MEP1B: variants seen among roughly 807,000 people sequenced by gnomAD.
MEP1B encodes the protein meprin A subunit beta, also known as N-benzoyl-L-tyrosyl-P-amino-benzoic acid hydrolase subunit beta.
In MEP1B, 80 loss-of-function variants were observed where a neutral mutation model predicts 84.6. The ratio of observed to expected loss-of-function variants is 0.95; its 90% CI spans 0.79 to 1.14. The LOEUF (loss-of-function observed/expected upper bound fraction) is 1.14. Among genes scored for constraint, MEP1B ranks in the 50% most tolerant of loss-of-function variants. MEP1B has a pLI of 0.00. For synonymous variants in MEP1B, 273 were observed against 288.1 expected (o/e 0.95, Z 0.53); for missense variants, 766 against 855.1 (o/e 0.90, Z 1.30).
rs1344638135 is a variant in MEP1B at position 32,196,866 on chromosome 18, T to C, written c.250+1381T>C. On this transcript the variant is annotated intron_variant, in intron 5 of 14. Transcript: ENST00000269202. This position sits in a 1 kb window ranked among gnomAD's most constrained non-coding sequence, Gnocchi z 4.4. ...GGCCTCTGCGTACTTGCCCATGATG[T>C]AGTGGAGGCGGGCAAGGAGGCGCAG... is the stretch of plus-strand genomic sequence containing the variant. 2 of 505,618 alleles carry C rather than the reference T, an allele frequency of 4.0e-6. No individual in the cohort carries two copies. The highest frequency in any genetic ancestry group is 3.7e-6 in the Non-Finnish European group (1 of 271,206). The allele number at this position is 505,618 out of a possible 1,614,324, so 31.3% of individuals were successfully genotyped here.
At chr18:32,203,282 A>G (rs1443860377) in intron 6 of MEP1B, 8 of 323,286 alleles carry the variant, frequency 2.5e-5, no homozygotes, top group African/African-American at 1.7e-4. Flanking sequence ...TTTGTAATTT[A>G]CATACTCTTT....
Position 32,196,697 on chromosome 18 carries a change from G to T in MEP1B, c.250+1212G>T. 1 of 641,226 alleles carries T rather than the reference G, an allele frequency of 1.6e-6. No individual in the cohort carries two copies. The highest frequency in any genetic ancestry group is 2.3e-5 in the Admixed American group (1 of 44,060). 39.7% of individuals were successfully genotyped at this position (641,226 alleles called of 1,614,324 possible). ...AGCACCAGCGCATGAGGTAGTGGGC[G>T]CCCTGCAGCAGGCTGAGGGCCAGGG... On this transcript the variant is annotated intron_variant, in intron 5 of 14. Transcript: ENST00000269202. The surrounding 1 kb of genome is among the most constrained non-coding windows in gnomAD (Gnocchi z 4.4).
chr18:32,194,045 A>G (rs1451979353), intron 4 of MEP1B, among the ~76,000 whole-genome samples: 1 of 150,924 alleles, frequency 6.6e-6, no homozygotes, highest in East Asian at 2.0e-4. Context: ...GTTCCTCCCC[A>G]CTCTCCTGTC....
rs1330142164 is a variant in MEP1B, at chr18:32,204,295, G to A, written c.482G>A (p.Trp161Ter). Residue 161 changes from tryptophan (W) to a stop codon, truncating the protein, a stop_gained, in exon 7 of 15, where the codon TGG becomes TAG. Transcript: ENST00000269202. LOFTEE classifies it high-confidence loss of function. ...QHEFLHALGFWHEQSRSDRDD... is the reference protein window; with the variant it reads ...QHEFLHALGF ...GAGTTCCTCCACGCTCTGGGATTCT[G>A]GCATGAGCAGTCGCGTTCTGACCGG... The A allele has an allele frequency of 6.2e-7, 1 of 1,604,108 alleles. No individual in the cohort carries two copies. The highest frequency in any genetic ancestry group is 8.5e-7 in the Non-Finnish European group (1 of 1,175,702).
intron 4 of MEP1B, among the ~76,000 whole-genome samples, 159 bp downstream of exon 4, chr18:32,192,976 C>G (rs991675554): frequency 6.6e-6 from 1 of 152,122 alleles, no homozygotes; most frequent in African/African-American, 2.4e-5. Flanking sequence ...ATATTATACT[C>G]AAAGAAATGC....
intron 2 of MEP1B, among the ~76,000 whole-genome samples, 171 bp downstream of exon 2, chr18:32,192,011 C>G (rs16962783): frequency 0.091 from 13,881 of 152,054 alleles, 697 homozygotes; most frequent in South Asian, 0.16. Context: ...ATGTTCCAGG[C>G]TTCATATGCC....
rs1278604872 is a variant in MEP1B, at chr18:32,220,375, T to TTA, written c.*133_*134dup. 1 of 862,974 alleles carries TTA rather than the reference T, an allele frequency of 1.2e-6. No individual in the cohort carries two copies. Among genetic ancestry groups the TTA allele is most frequent in the African/African-American group, 1.7e-5 (1 of 58,488 alleles). The allele number at this position is 862,974 out of a possible 1,614,324, so 53.5% of individuals were successfully genotyped here. On this transcript the variant is annotated 3_prime_UTR_variant, in exon 15 of 15. Transcript: ENST00000269202. The stretch of plus-strand genomic sequence containing the variant: ...ATTTTTCTGTAAATAGCTGGAAATA[T>TTA]TATAAATCACTATTTTGGTCAAAGT...
intron 10 of MEP1B, among the ~76,000 whole-genome samples, chr18:32,211,793 C>T (rs190427924): frequency 1.3e-5 from 2 of 152,144 alleles, no homozygotes; most frequent in East Asian, 1.9e-4. Context: ...GTCTATTCCA[C>T]CTAATCATCT....
Position 32,207,389 on chromosome 18 carries a change from TC to T in MEP1B, c.686del (p.Ser229Ter). ...GTEPTIVTRI[S>X]DFEDVIGQRM... ...AGAGCCGACAATTGTCACAAGAATC[TC>T]AGACTTTGAGGATGTGATCGGCCAA... On this transcript the variant is annotated frameshift_variant, in exon 8 of 15. Transcript: ENST00000269202. LOFTEE classifies it high-confidence loss of function. The T allele has an allele frequency of 1.2e-6, 2 of 1,613,432 alleles. No individual in the cohort carries two copies. The highest frequency in any genetic ancestry group is 1.7e-6 in the Non-Finnish European group (2 of 1,179,660).
rs756547926 is a variant in MEP1B, at chr18:32,204,269, C to T, written c.456C>T (p.His152=). ...GTGACCGAATAGCAACAGTTCAACA[C>T]GAGTTCCTCCACGCTCTGGGATTCT... ...ANCDRIATVQ[H]EFLHALGFWH... Residue 152 remains histidine, a synonymous_variant, in exon 7 of 15, where the codon CAC becomes CAT. Coordinates refer to ENST00000269202, the MANE Select transcript of MEP1B (RefSeq NM_005925.3). The T allele has an allele frequency of 8.1e-6, 13 of 1,603,916 alleles. No homozygotes were observed. The East Asian group carries it at 1.3e-4, about 17-fold the overall frequency.
At chr18:32,216,934 T>C in intron 12 of MEP1B, 57 bp from the exon 13 acceptor site, 3 of 1,518,982 alleles carry the variant, frequency 2.0e-6, no homozygotes, top group South Asian at 1.3e-5. Context: ...AAATTAAAGA[T>C]CAAATGATTG....
chr18:32,218,935 T>G (rs1320241332), intron 14 of MEP1B, among the ~76,000 whole-genome samples: 1 of 152,212 alleles, frequency 6.6e-6, no homozygotes, highest in African/African-American at 2.4e-5. Context: ...GTACAGAGTT[T>G]TACATGCAGA....
At chr18:32,192,160 A>G (rs1175431443) in intron 2 of MEP1B, among the ~76,000 whole-genome samples, 1 of 152,068 alleles carries the variant, frequency 6.6e-6, no homozygotes, top group African/African-American at 2.4e-5. Context: ...CTCAGTATTC[A>G]CTTGCATACT....
At chr18:32,190,205 GTT>G in intron 1 of MEP1B, 72 bp downstream of exon 1, 2 of 846,504 alleles carry the variant, frequency 2.4e-6, no homozygotes, top group Non-Finnish European at 3.4e-6. Flanking sequence ...AAGAACAAGT[GTT>G]TTTTTTTTGT....
rs879061694 is a variant in MEP1B, at chr18:32,217,859, C to G, written c.1985C>G (p.Ala662Gly). The G allele has an allele frequency of 1.2e-6, 2 of 1,613,836 alleles. No homozygotes were observed. Among genetic ancestry groups the G allele is most frequent in the South Asian group, 2.2e-5 (2 of 91,072 alleles). The change falls in exon 14 of 15, where the codon GCT becomes GGT. Residue 662 changes from alanine to glycine, a missense_variant. Ala to Gly is a moderately conservative substitution (Grantham distance 60). Coordinates refer to ENST00000269202, the MANE Select transcript of MEP1B (RefSeq NM_005925.3). ...GTCATTGCTGTTTCATCTACTGTTG[C>G]TGTGTTTGCCTTGATGCTGATCATC... ...TIVIAVSSTV[A>G]VFALMLIITL...
intron 4 of MEP1B, 141 bp from the exon 5 acceptor site, chr18:32,195,262 CTACA>C (rs746252566): frequency 1.8e-5 from 9 of 498,438 alleles, no homozygotes; most frequent in Middle Eastern, 3.9e-4. Flanking sequence ...AAAAGTAGGG[CTACA>C]CACACACACA....
chr18:32,209,302 C>T (rs546528518), intron 9 of MEP1B, among the ~76,000 whole-genome samples: 1 of 152,118 alleles, frequency 6.6e-6, no homozygotes, highest in Non-Finnish European at 1.5e-5. Flanking sequence ...GCTGGGCCAA[C>T]ATGGTGAAAC....
At chr18:32,202,651 G>T (rs2040923650) in intron 5 of MEP1B, among the ~76,000 whole-genome samples, 1 of 152,194 alleles carries the variant, frequency 6.6e-6, no homozygotes, top group African/African-American at 2.4e-5. Context: ...GTTTAGTAAT[G>T]CACCATTAGT....
chr18:32,216,770 C>T (rs1598898604), intron 12 of MEP1B, among the ~76,000 whole-genome samples: 2 of 151,956 alleles, frequency 1.3e-5, no homozygotes, highest in South Asian at 4.1e-4. Flanking sequence ...GGCATCATGG[C>T]TCACGCCTAT....
Sources: gnomAD v4.1 joint callset for allele counts (sites outside exome capture counted in the v4.1 genomes callset) on GRCh38, gnomAD v4.1.1 for gene constraint, Gnocchi (gnomAD v3.1) non-coding constraint, MANE v1.5 for transcripts, NCBI Gene and HGNC (gene_info 2026-07-23, HGNC 2026-07-21) for gene names.